PPFIBP2: variants seen among roughly 807,000 people sequenced by gnomAD.
The protein encoded by PPFIBP2 is liprin-beta-2.
In PPFIBP2, 118 loss-of-function variants were observed where a neutral mutation model predicts 118.3. The observed-to-expected ratio is 1.00, with a 90% CI of 0.86 to 1.16. The LOEUF (loss-of-function observed/expected upper bound fraction) is 1.16, where lower values mean the gene tolerates loss of function less well. Among genes scored for constraint, PPFIBP2 ranks in the 50% most tolerant of loss-of-function variants. The pLI is 0.00. For synonymous variants in PPFIBP2, 414 were observed against 397.4 expected, an observed-to-expected ratio of 1.04 and a Z score of -0.50; for missense variants, 1,195 against 1,073.1, an observed-to-expected ratio of 1.11 and a Z score of -1.59.
intron 9 of PPFIBP2, 88 bp downstream of exon 9, chr11:7,628,434 G>A: frequency 8.2e-7 from 1 of 1,214,642 alleles, no homozygotes; most frequent in South Asian, 1.4e-5. Flanking sequence ...ATTCTGGACA[G>A]GACCATGCTT....
chr11:7,653,201 G>T lies in PPFIBP2; in HGVS notation c.2614G>T (p.Val872Leu), dbSNP rs755873294. ...CCCTGAACTGGATGGGCTGGACCAGGTGGGACAGATTAGCTGATGCCCTTG... is the reference window on the plus strand; with the variant it reads ...CCCTGAACTGGATGGGCTGGACCAGTTGGGACAGATTAGCTGATGCCCTTG... ...DAPELDGLDQ[V>L]GQIS Residue 872 changes from valine (V) to leucine (L), a missense_variant, in exon 24 of 24, where the codon GTG (valine) becomes TTG (leucine). Physicochemically the swap from Val to Leu is conservative, Grantham distance 32 (BLOSUM62 1). Coordinates refer to ENST00000299492, the MANE Select transcript of PPFIBP2 (RefSeq NM_003621.5). The T allele has an allele frequency of 1.9e-6, 3 of 1,614,160 alleles. No individual in the cohort carries two copies. The Admixed American group carries it at 5.0e-5, about 27-fold the overall frequency.
At chr11:7,572,482 A>G (rs1280088417) in intron 3 of PPFIBP2, among the ~76,000 whole-genome samples, 1 of 152,230 alleles carries the variant, frequency 6.6e-6, no homozygotes, top group Non-Finnish European at 1.5e-5. Context: ...ATGTTTATAA[A>G]TGACCAAGAA....
At chr11:7,529,362 A>G (rs1050811360) in intron 1 of PPFIBP2, among the ~76,000 whole-genome samples, 2 of 152,194 alleles carry the variant, frequency 1.3e-5, no homozygotes, top group African/African-American at 4.8e-5. Flanking sequence ...AATGCATCTC[A>G]TTACATCACT....
chr11:7,582,714 AG>A (rs1490570857), intron 3 of PPFIBP2, among the ~76,000 whole-genome samples: 1 of 150,522 alleles, frequency 6.6e-6, no homozygotes, highest in Non-Finnish European at 1.5e-5. Flanking sequence ...CCAATGTCAT[AG>A]GAAAAAAAAA....
intron 23 of PPFIBP2, among the ~76,000 whole-genome samples, chr11:7,652,408 C>T (rs1854177471): frequency 6.6e-6 from 1 of 152,218 alleles, no homozygotes; most frequent in Non-Finnish European, 1.5e-5. Flanking sequence ...ATCCTCAGAC[C>T]ACATTCTTCC....
At chr11:7,641,995 T>C in intron 16 of PPFIBP2, 1 of 407,408 alleles carries the variant, frequency 2.5e-6, no homozygotes, top group Non-Finnish European at 4.4e-6. Flanking sequence ...AGCCAAGTAC[T>C]TGCTGGCCCA....
intron 6 of PPFIBP2, among the ~76,000 whole-genome samples, chr11:7,620,650 G>T (rs991126811): frequency 6.6e-6 from 1 of 152,214 alleles, no homozygotes; most frequent in Non-Finnish European, 1.5e-5. Context: ...TGTGTGTGAT[G>T]TTGGCATACC....
At chr11:7,605,980 ATGTGGAAGCTAT>A in intron 5 of PPFIBP2, 1 of 1,535,592 alleles carries the variant, frequency 6.5e-7, no homozygotes, top group East Asian at 2.4e-5. Context: ...AATAACAAGG[ATGTGGAAGCTAT>A]TGAGGAGACG....
chr11:7,569,202 G>A (rs1344136266), intron 3 of PPFIBP2: 1 of 152,406 alleles, frequency 6.6e-6, no homozygotes, highest in Non-Finnish European at 1.5e-5. Context: ...GTTTCTTTGT[G>A]GTAGGGCTGG....
intron 17 of PPFIBP2, among the ~76,000 whole-genome samples, chr11:7,647,023 G>T (rs1191171314): frequency 6.6e-6 from 1 of 152,106 alleles, no homozygotes; most frequent in Non-Finnish European, 1.5e-5. Context: ...ACCCATGAAA[G>T]CCCAGGTTCC....
chr11:7,515,311 T>C (rs1849138811), intron 1 of PPFIBP2, among the ~76,000 whole-genome samples: 1 of 152,178 alleles, frequency 6.6e-6, no homozygotes, highest in South Asian at 2.1e-4. Context: ...ATTTTAAGAT[T>C]TGGTGATGTG....
At chr11:7,652,916 A>G (rs1854259848) in intron 23 of PPFIBP2, 108 bp from the exon 24 acceptor site, 4 of 1,296,526 alleles carry the variant, frequency 3.1e-6, no homozygotes, top group African/African-American at 1.5e-5. Context: ...AGCAGTTTAC[A>G]TTATTCCTCT....
In PPFIBP2 at chr11:7,639,888, G is replaced by A. The variant is rs774283090; in HGVS notation, c.1375+18G>A. 1 of 1,610,398 alleles carries A rather than the reference G, an allele frequency of 6.2e-7. No individual in the cohort carries two copies. The highest frequency in any genetic ancestry group is 8.5e-7 in the Non-Finnish European group (1 of 1,178,624). On this transcript the variant is annotated intron_variant, in intron 15 of 23. Coordinates refer to ENST00000299492, the MANE Select transcript of PPFIBP2 (RefSeq NM_003621.5). Reference sequence around the variant, plus strand: ...GAGGCTGAGTGAGTGTCCAGCCCTGGTGCTGGTGGCCTCTGAGCAGTGTCC... The same window carrying A: ...GAGGCTGAGTGAGTGTCCAGCCCTGATGCTGGTGGCCTCTGAGCAGTGTCC...
intron 2 of PPFIBP2, among the ~76,000 whole-genome samples, chr11:7,562,931 A>ATATATATT (rs1854470129): frequency 3.0e-4 from 1 of 3,332 alleles, no homozygotes; most frequent in African/African-American, 2.2e-3. Flanking sequence ...TTAAAGTTTT[A>ATATATATT]TATATATATA....
At position 7,632,850 on chromosome 11, in the gene PPFIBP2, T is replaced by C. The variant is rs866596285; in HGVS notation, c.1069-17T>C. ...AACAGACTGTCCTCTACCGTGACTCTTCTGTCTCTGGTGCAGATGCCTCCA... is the reference window on the plus strand; with the variant it reads ...AACAGACTGTCCTCTACCGTGACTCCTCTGTCTCTGGTGCAGATGCCTCCA... On this transcript the variant is annotated splice_polypyrimidine_tract_variant and intron_variant, in intron 11 of 23. Coordinates refer to ENST00000299492, the MANE Select transcript of PPFIBP2 (RefSeq NM_003621.5). 9.3e-6 allele frequency: 15 copies of C among 1,606,736 alleles called. No homozygotes were observed. In the Middle Eastern group the frequency reaches 2.1e-3, roughly 230 times the overall value.
intron 4 of PPFIBP2, among the ~76,000 whole-genome samples, chr11:7,596,115 C>T (rs561018866): frequency 6.6e-6 from 1 of 152,264 alleles, no homozygotes; most frequent in South Asian, 2.1e-4. Flanking sequence ...TGCTAGAGAT[C>T]CTATGATTCC....
At chr11:7,540,148 G>A (rs1851629679) in intron 1 of PPFIBP2, among the ~76,000 whole-genome samples, 2 of 152,290 alleles carry the variant, frequency 1.3e-5, no homozygotes, top group Admixed American at 6.5e-5. Context: ...TTTGTTGCCT[G>A]AGTGATAGAA....
chr11:7,538,003 G>T (rs1414209543), intron 1 of PPFIBP2, among the ~76,000 whole-genome samples: 2 of 152,202 alleles, frequency 1.3e-5, no homozygotes, highest in African/African-American at 2.4e-5. Flanking sequence ...AACAAAGGCA[G>T]AATATCGAGA....
At chr11:7,624,537 T>C (rs904098994) in intron 7 of PPFIBP2, among the ~76,000 whole-genome samples, 1 of 152,224 alleles carries the variant, frequency 6.6e-6, no homozygotes, top group African/African-American at 2.4e-5. Flanking sequence ...CAGCCCATAC[T>C]ATAACCTTGA....
Sources: gnomAD v4.1 joint callset for allele counts (sites outside exome capture counted in the v4.1 genomes callset) on GRCh38, gnomAD v4.1.1 for gene constraint, MANE v1.5 for transcripts, NCBI Gene and HGNC (gene_info 2026-07-23, HGNC 2026-07-21) for gene names.